MOB3B: variants seen among roughly 807,000 people sequenced by gnomAD.
The protein encoded by MOB3B is MOB kinase activator 3B, also known as MOB kinase activator-like 2B.
In MOB3B, 7 loss-of-function variants were observed where a neutral mutation model predicts 18.7. The observed-to-expected ratio is 0.37, with a 90% CI of 0.21 to 0.70. The LOEUF (loss-of-function observed/expected upper bound fraction) is 0.70. Ranked by LOEUF, MOB3B falls within the 30% of genes least tolerant of loss-of-function variation. MOB3B has a pLI of 0.52. For synonymous variants in MOB3B, 111 were observed against 99.9 expected, an observed-to-expected ratio of 1.11 and a Z score of -0.66; for missense variants, 253 against 281.3, an observed-to-expected ratio of 0.90 and a Z score of 0.72.
chr9:27,485,805 G>T (rs1421121530), intron 1 of MOB3B, among the ~76,000 whole-genome samples: 1 of 152,136 alleles, frequency 6.6e-6, no homozygotes, highest in Non-Finnish European at 1.5e-5. Context: ...GAAAAAAATG[G>T]CAGAAACAAA....
intron 2 of MOB3B, among the ~76,000 whole-genome samples, chr9:27,446,711 C>A (rs1463758339): frequency 1.3e-5 from 2 of 152,144 alleles, no homozygotes; most frequent in Admixed American, 1.3e-4. Context: ...GTGTCAGGGG[C>A]TTCACACGTA....
At chr9:27,415,160 C>T (rs1822125928) in intron 2 of MOB3B, among the ~76,000 whole-genome samples, 2 of 152,252 alleles carry the variant, frequency 1.3e-5, no homozygotes, top group South Asian at 4.1e-4. Context: ...CACGCCCAGC[C>T]CTCTAACCAG....
chr9:27,468,404 T>G (rs1489555342), intron 1 of MOB3B, among the ~76,000 whole-genome samples: 1 of 152,200 alleles, frequency 6.6e-6, no homozygotes, highest in East Asian at 1.9e-4. Flanking sequence ...TCCACTCAGA[T>G]AAGGCCTCTC....
chr9:27,367,080 T>A (rs1326714565), intron 2 of MOB3B, among the ~76,000 whole-genome samples: 1 of 152,226 alleles, frequency 6.6e-6, no homozygotes, highest in Non-Finnish European at 1.5e-5. Context: ...GTCTCCTTAG[T>A]GACGTCTCCT....
Position 27,328,907 on chromosome 9 carries a change from G to C in MOB3B, c.*1680C>G, listed in dbSNP as rs1217715927. On this transcript the variant is annotated 3_prime_UTR_variant, in exon 4 of 4. Coordinates refer to ENST00000262244, the MANE Select transcript of MOB3B (RefSeq NM_024761.5). Reference sequence around the variant, plus strand: ...GGGGGACAAAAGTATGTTTATTGTTGACCAGGGCACAGCAACATGGTGAGG... The same window carrying C: ...GGGGGACAAAAGTATGTTTATTGTTCACCAGGGCACAGCAACATGGTGAGG... 6.6e-6 allele frequency: 1 copy of C among 152,574 alleles called. No homozygotes were observed. Among genetic ancestry groups the C allele is most frequent in the Non-Finnish European group, 1.5e-5 (1 of 68,048 alleles). 9.5% of individuals were successfully genotyped at this position (152,574 alleles called of 1,614,324 possible).
chr9:27,455,717 G>C lies in MOB3B; in HGVS notation c.-167C>G, dbSNP rs1822859036. ...AAACAGCCCCTTCCATCTTCCTCTT[G>C]AATGATTTCCAAGGGAACCTCATGT... On this transcript the variant is annotated 5_prime_UTR_variant, in exon 2 of 4. Transcript: ENST00000262244. 6.8e-7 allele frequency: 1 copy of C among 1,462,686 alleles called. No individual in the cohort carries two copies. Among genetic ancestry groups the C allele is most frequent in the Non-Finnish European group, 9.0e-7 (1 of 1,116,246 alleles). The allele number at this position is 1,462,686 out of a possible 1,614,324, so 90.6% of individuals were successfully genotyped here. A position where few individuals can be genotyped will look rare whatever the true frequency, so the allele number is the denominator to read the frequency against.
intron 1 of MOB3B, chr9:27,524,695 A>G (rs767683957): frequency 6.2e-7 from 1 of 1,614,122 alleles, no homozygotes; most frequent in South Asian, 1.1e-5. Flanking sequence ...GGACTTGATC[A>G]GCAAGCAGAG....
At chr9:27,383,520 T>A (rs114180415) in intron 2 of MOB3B, among the ~76,000 whole-genome samples, 4 of 152,306 alleles carry the variant, frequency 2.6e-5, no homozygotes, top group African/African-American at 7.2e-5. Context: ...GAGGGCCAGA[T>A]AACCTGTTGA....
intron 2 of MOB3B, chr9:27,378,437 C>T (rs973149091): frequency 6.4e-6 from 3 of 471,320 alleles, no homozygotes; most frequent in Non-Finnish European, 1.3e-5. Context: ...CCATCTAGTT[C>T]CCTCAATGAT....
chr9:27,339,020 G>C (rs73643191), intron 3 of MOB3B, among the ~76,000 whole-genome samples: 5,574 of 152,248 alleles, frequency 0.037, 337 homozygotes, highest in African/African-American at 0.13. Flanking sequence ...CCAGCTGTTT[G>C]TGTGAGGCTG....
In MOB3B at chr9:27,524,578, G is replaced by C. The variant is rs760139694; in HGVS notation, c.-199+4977C>G. 4 of 1,613,940 alleles carry C rather than the reference G, an allele frequency of 2.5e-6. No individual in the cohort carries two copies. In the Admixed American group the frequency reaches 6.7e-5, roughly 27 times the overall value. ...CTGCAATACACCCAACCTATGAAGAGGGACATCAAGAAGGCCTTCTATGAA... is the reference window on the plus strand; with the variant it reads ...CTGCAATACACCCAACCTATGAAGACGGACATCAAGAAGGCCTTCTATGAA... On this transcript the variant is annotated intron_variant, in intron 1 of 3. Coordinates refer to ENST00000262244, the MANE Select transcript of MOB3B (RefSeq NM_024761.5).
At chr9:27,465,808 G>A (rs1819374871) in intron 1 of MOB3B, among the ~76,000 whole-genome samples, 1 of 152,206 alleles carries the variant, frequency 6.6e-6, no homozygotes, top group African/African-American at 2.4e-5. Flanking sequence ...CACACCCTGA[G>A]CTCTACGTTG....
chr9:27,391,287 T>A (rs1479956394), intron 2 of MOB3B, among the ~76,000 whole-genome samples: 1 of 152,228 alleles, frequency 6.6e-6, no homozygotes, highest in Non-Finnish European at 1.5e-5. Context: ...GTAATAATCT[T>A]CTTTTTAAAA....
intron 1 of MOB3B, among the ~76,000 whole-genome samples, chr9:27,473,493 C>A (rs895295667): frequency 6.6e-6 from 1 of 152,054 alleles, no homozygotes; most frequent in African/African-American, 2.4e-5. Context: ...CAGAGAGGGA[C>A]CTGTTGCCCT....
At chr9:27,408,983 A>T (rs141713249) in intron 2 of MOB3B, among the ~76,000 whole-genome samples, 6 of 152,330 alleles carry the variant, frequency 3.9e-5, no homozygotes, top group Non-Finnish European at 5.9e-5. Context: ...TACCATTTAC[A>T]GAGTGCTCAC....
At chr9:27,462,200 C>T (rs1819304278) in intron 1 of MOB3B, among the ~76,000 whole-genome samples, 1 of 152,094 alleles carries the variant, frequency 6.6e-6, no homozygotes, top group African/African-American at 2.4e-5. Context: ...CTTATAATGA[C>T]ATCCTACTGA....
At chr9:27,527,131 A>T (rs897726165) in intron 1 of MOB3B, among the ~76,000 whole-genome samples, 1 of 152,200 alleles carries the variant, frequency 6.6e-6, no homozygotes, top group Non-Finnish European at 1.5e-5. Context: ...ATTCTAAAAG[A>T]AACTGTACAA....
intron 1 of MOB3B, among the ~76,000 whole-genome samples, chr9:27,528,654 G>T (rs190965131): frequency 5.9e-5 from 9 of 152,198 alleles, no homozygotes; most frequent in African/African-American, 2.2e-4. Context: ...AGCCCCGCCA[G>T]ATGTTGGAAA....
intron 3 of MOB3B, among the ~76,000 whole-genome samples, chr9:27,355,650 C>T (rs1821179215): frequency 6.6e-6 from 1 of 151,238 alleles, no homozygotes; most frequent in South Asian, 2.1e-4. Flanking sequence ...AGCTCTGCCT[C>T]CCGGGTTCAC....
Sources: allele counts gnomAD v4.1 joint callset (sites outside exome capture counted in the v4.1 genomes callset), GRCh38; gene constraint gnomAD v4.1.1; transcripts MANE v1.5; gene names NCBI Gene and HGNC (gene_info 2026-07-23, HGNC 2026-07-21).